Variants in RPS6KC1 observed in about 807,000 individuals in gnomAD.
RPS6KC1 encodes the protein inactive ribosomal protein S6 kinase delta-1.
RPS6KC1 carries 54 observed loss-of-function variants against 103.8 expected under a neutral mutation model. That is an observed-to-expected ratio of 0.52 (90% CI 0.42 to 0.65). RPS6KC1 has a LOEUF of 0.65. Ranked by LOEUF, RPS6KC1 falls within the 30% of genes least tolerant of loss-of-function variation. The pLI is 0.00. For synonymous variants in RPS6KC1, 439 were observed against 438.7 expected, an observed-to-expected ratio of 1.00 and a Z score of -0.01; for missense variants, 1,151 against 1,253.8, an observed-to-expected ratio of 0.92 and a Z score of 1.24.
At chr1:213,186,623 C>T (rs1042977806) in intron 8 of RPS6KC1, among the ~76,000 whole-genome samples, 24 of 152,066 alleles carry the variant, frequency 1.6e-4, no homozygotes, top group Admixed American at 4.6e-4. Flanking sequence ...GTATATCTTT[C>T]GGAAAAATTT....
At chr1:213,802,180 C>A in the RPS6KC1 span, among the ~76,000 whole-genome samples, 1 of 152,184 alleles carries the variant, frequency 6.6e-6, no homozygotes, top group Admixed American at 6.5e-5. Context: ...ATGTGAGGAA[C>A]AAGCTATGTG....
chr1:213,701,487 T>G, the RPS6KC1 span, among the ~76,000 whole-genome samples: 1 of 151,888 alleles, frequency 6.6e-6, no homozygotes, highest in East Asian at 1.9e-4. Flanking sequence ...GTATTAATAT[T>G]CAAGTATTAG....
intron 10 of RPS6KC1, among the ~76,000 whole-genome samples, chr1:213,234,904 G>A (rs933556997): frequency 1.3e-5 from 2 of 152,180 alleles, no homozygotes; most frequent in African/African-American, 4.8e-5. Context: ...TTTGAGGGTA[G>A]AGTAATGGGA....
the RPS6KC1 span, among the ~76,000 whole-genome samples, chr1:213,577,709 C>T: frequency 1.3e-5 from 2 of 152,128 alleles, no homozygotes; most frequent in Non-Finnish European, 2.9e-5. Context: ...TTTAGGGTAT[C>T]TGGTAGAAGA....
chr1:213,118,035 A>AAAAAAAAAAAAAAAAAAAAAAAC (rs1161625346), intron 5 of RPS6KC1, among the ~76,000 whole-genome samples: 1 of 149,000 alleles, frequency 6.7e-6, no homozygotes, highest in African/African-American at 2.5e-5. Flanking sequence ...AAAAAAAAAA[A>AAAAAAAAAAAAAAAAAAAAAAAC]AAAAGCCTTA....
At chr1:213,670,887 A>G in the RPS6KC1 span, among the ~76,000 whole-genome samples, 11 of 152,254 alleles carry the variant, frequency 7.2e-5, no homozygotes, top group Non-Finnish European at 1.3e-4. Context: ...CCCTAGCTCA[A>G]TTAGGTTTCC....
chr1:213,836,825 TG>T, the RPS6KC1 span, among the ~76,000 whole-genome samples: 2 of 152,196 alleles, frequency 1.3e-5, no homozygotes, highest in Non-Finnish European at 2.9e-5. Context: ...CTCACTAACG[TG>T]TCAGGACCCA....
chr1:213,817,107 TC>T, the RPS6KC1 span, among the ~76,000 whole-genome samples: 1 of 152,178 alleles, frequency 6.6e-6, no homozygotes, highest in Non-Finnish European at 1.5e-5. Context: ...TGGAGGCTGC[TC>T]CCCCAAGAGA....
At chr1:213,283,919 G>A in the RPS6KC1 span, among the ~76,000 whole-genome samples, 1 of 151,932 alleles carries the variant, frequency 6.6e-6, no homozygotes, top group Non-Finnish European at 1.5e-5. Flanking sequence ...CATAGTTGAG[G>A]AAAACTAATT....
At chr1:213,216,332 A>G (rs1003591524) in intron 8 of RPS6KC1, among the ~76,000 whole-genome samples, 24 of 152,264 alleles carry the variant, frequency 1.6e-4, no homozygotes, top group African/African-American at 5.5e-4. Flanking sequence ...TATCTTAAAT[A>G]TATATGCACC....
chr1:213,116,455 T>A, intron 4 of RPS6KC1, among the ~76,000 whole-genome samples: 1 of 48,614 alleles, frequency 2.1e-5, no homozygotes. Context: ...TCTCTGCACG[T>A]GAGATGGGTT....
At chr1:213,857,836 G>A in the RPS6KC1 span, among the ~76,000 whole-genome samples, 2 of 152,066 alleles carry the variant, frequency 1.3e-5, no homozygotes, top group Non-Finnish European at 2.9e-5. Flanking sequence ...CTACCTCCTC[G>A]GTGATGTCCA....
chr1:213,343,371 C>T, the RPS6KC1 span, among the ~76,000 whole-genome samples: 1 of 101,864 alleles, frequency 9.8e-6, no homozygotes, highest in East Asian at 3.0e-4. Context: ...GGAGCTTAAA[C>T]TTTTTTTTCA....
chr1:213,502,404 G>A, the RPS6KC1 span, among the ~76,000 whole-genome samples: 1 of 152,064 alleles, frequency 6.6e-6, no homozygotes, highest in African/African-American at 2.4e-5. Flanking sequence ...AGTAAAAAAT[G>A]ATATAAATAG....
chr1:213,608,462 C>T, the RPS6KC1 span, among the ~76,000 whole-genome samples: 4 of 152,160 alleles, frequency 2.6e-5, no homozygotes, highest in Non-Finnish European at 4.4e-5. Flanking sequence ...AGGGAAATAG[C>T]GCTTGGAAAG....
chr1:213,714,473 A>G, the RPS6KC1 span, among the ~76,000 whole-genome samples: 1 of 152,216 alleles, frequency 6.6e-6, no homozygotes, highest in African/African-American at 2.4e-5. Flanking sequence ...GTAGGAGTGA[A>G]GGATTCAATT....
At chr1:213,143,823 CTT>C (rs540171345) in intron 6 of RPS6KC1, among the ~76,000 whole-genome samples, 24 of 135,958 alleles carry the variant, frequency 1.8e-4, no homozygotes, top group Non-Finnish European at 2.1e-4. Context: ...TGAGCAGCAC[CTT>C]TTTTTTTTTT....
chr1:213,350,516 G>A, the RPS6KC1 span, among the ~76,000 whole-genome samples: 1 of 152,100 alleles, frequency 6.6e-6, no homozygotes, highest in African/African-American at 2.4e-5. Context: ...GTTAGAATCA[G>A]ATTTCCCAAA....
the RPS6KC1 span, among the ~76,000 whole-genome samples, chr1:213,441,329 T>G: frequency 6.6e-6 from 1 of 152,222 alleles, no homozygotes; most frequent in Admixed American, 6.5e-5. Context: ...GAGTTTTTTA[T>G]GTATTTCCTT....
Sources: allele counts gnomAD v4.1 joint callset (sites outside exome capture counted in the v4.1 genomes callset), GRCh38; gene constraint gnomAD v4.1.1; transcripts MANE v1.5; gene names NCBI Gene and HGNC (gene_info 2026-07-23, HGNC 2026-07-21).